TENM3: variants seen among roughly 807,000 people sequenced by gnomAD.
TENM3 encodes the protein teneurin-3.
In TENM3, 63 loss-of-function variants were observed where a neutral mutation model predicts 255.1. That is an observed-to-expected ratio of 0.25 (90% CI 0.20 to 0.30). TENM3 has a LOEUF of 0.30. Ranked by LOEUF, TENM3 falls within the 10% of genes least tolerant of loss-of-function variation. TENM3 has a pLI of 1.00. For synonymous variants in TENM3, 1,306 were observed against 1,322.3 expected (o/e 0.99, Z 0.27); for missense variants, 2,929 against 3,461.1 (o/e 0.85, Z 3.86).
At chr4:182,062,874 A>C in the TENM3 span, among the ~76,000 whole-genome samples, 1 of 152,194 alleles carries the variant, frequency 6.6e-6, no homozygotes, top group South Asian at 2.1e-4. Context: ...CCTTGTCTTT[A>C]AAAAATGAAG....
chr4:181,986,891 A>T, the TENM3 span, among the ~76,000 whole-genome samples: 1 of 152,162 alleles, frequency 6.6e-6, no homozygotes, highest in Admixed American at 6.6e-5. Context: ...ATTGAGAAAA[A>T]ATGCTATAAA....
intron 3 of TENM3, among the ~76,000 whole-genome samples, chr4:182,509,461 T>C (rs1319775396): frequency 7.9e-5 from 12 of 152,224 alleles, no homozygotes; most frequent in African/African-American, 2.7e-4. Context: ...AGTGATGATA[T>C]ACAAATCACT....
chr4:181,603,985 C>T, the TENM3 span, among the ~76,000 whole-genome samples: 1 of 152,182 alleles, frequency 6.6e-6, no homozygotes, highest in African/African-American at 2.4e-5. Context: ...TGAATGATTG[C>T]CGGGCGCGGT....
intron 3 of TENM3, among the ~76,000 whole-genome samples, chr4:182,491,598 G>T (rs531498842): frequency 3.3e-5 from 5 of 152,076 alleles, no homozygotes; most frequent in East Asian, 1.9e-4. Context: ...GAAGGATTGC[G>T]TTGAAATTCT....
chr4:181,917,537 C>A, the TENM3 span, among the ~76,000 whole-genome samples: 1 of 152,118 alleles, frequency 6.6e-6, no homozygotes, highest in Non-Finnish European at 1.5e-5. Context: ...AAGAAAGCTC[C>A]TGGTTGGAGC....
intron 3 of TENM3, among the ~76,000 whole-genome samples, chr4:182,516,043 A>G (rs1049128903): frequency 3.9e-5 from 6 of 152,250 alleles, no homozygotes; most frequent in African/African-American, 1.4e-4. Context: ...AAGTCTTAAC[A>G]TGATGCTATT....
chr4:182,681,681 G>C (rs1288004650), intron 10 of TENM3, 133 bp from the exon 11 acceptor site: 2 of 676,144 alleles, frequency 3.0e-6, no homozygotes, highest in Admixed American at 3.0e-5. Flanking sequence ...TCAGAAACAA[G>C]TTCTTGAAAA....
At chr4:181,928,265 G>A in the TENM3 span, among the ~76,000 whole-genome samples, 2 of 151,892 alleles carry the variant, frequency 1.3e-5, 1 homozygote, top group East Asian at 3.9e-4. Flanking sequence ...CCCAATGCAA[G>A]GAAGCTAAGA....
In TENM3 at chr4:182,196,781, T is replaced by A. The variant is rs543295039; in HGVS notation, c.-76+52027T>A. Among the ~76,000 whole-genome samples, 6 of 152,332 alleles carry A rather than the reference T, an allele frequency of 3.9e-5. No individual in the cohort carries two copies. In the East Asian group the frequency reaches 1.2e-3, roughly 29 times the overall value. On this transcript the variant is annotated intron_variant, in intron 1 of 2. Coordinates refer to the TENM3 transcript ENST00000512480. ...ATTTTCTACACATTTGAAAGGAACA[T>A]ACCCTGATGTTTTTAAAACAGTCAT...
At chr4:181,694,601 G>A in the TENM3 span, among the ~76,000 whole-genome samples, 1 of 152,092 alleles carries the variant, frequency 6.6e-6, no homozygotes, top group Non-Finnish European at 1.5e-5. Flanking sequence ...TATACAGGAC[G>A]AATATCACAT....
the TENM3 span, among the ~76,000 whole-genome samples, chr4:181,627,927 G>A: frequency 2.0e-5 from 3 of 152,170 alleles, no homozygotes; most frequent in African/African-American, 7.2e-5. Context: ...CTTCCACAAT[G>A]GTTGAACTAG....
the TENM3 span, among the ~76,000 whole-genome samples, chr4:181,700,230 CTT>C: frequency 0.47 from 70,748 of 149,972 alleles, 17,810 homozygotes; most frequent in Non-Finnish European, 0.57. Context: ...ATTTCAGGGT[CTT>C]TTTTTTTTTT....
the TENM3 span, among the ~76,000 whole-genome samples, chr4:181,671,420 G>T: frequency 6.6e-6 from 1 of 152,174 alleles, no homozygotes; most frequent in South Asian, 2.1e-4. Flanking sequence ...AATGGGCAGA[G>T]TGTGATCTTG....
the TENM3 span, among the ~76,000 whole-genome samples, chr4:181,853,111 C>T: frequency 6.6e-6 from 1 of 152,234 alleles, no homozygotes; most frequent in African/African-American, 2.4e-5. Flanking sequence ...ATAGTTTTAT[C>T]TACTTACTTT....
intron 3 of TENM3, among the ~76,000 whole-genome samples, chr4:182,523,290 A>G (rs1738777307): frequency 1.3e-5 from 2 of 152,124 alleles, no homozygotes; most frequent in African/African-American, 2.4e-5. Context: ...TTCATAGACC[A>G]AAGGGAGAAT....
chr4:182,516,916 T>C (rs1157560606), intron 3 of TENM3, among the ~76,000 whole-genome samples: 1 of 151,790 alleles, frequency 6.6e-6, no homozygotes, highest in Non-Finnish European at 1.5e-5. Context: ...GTAGGATTAT[T>C]GTATATCACA....
At chr4:181,791,463 T>C in the TENM3 span, among the ~76,000 whole-genome samples, 1 of 152,178 alleles carries the variant, frequency 6.6e-6, no homozygotes, top group Non-Finnish European at 1.5e-5. Context: ...TCCGGGGTAG[T>C]GTTTGTAAAC....
chr4:182,243,584 T>C (rs1289556897), intron 1 of TENM3, 108 bp downstream of exon 1: 1 of 151,510 alleles, frequency 6.6e-6, no homozygotes, highest in Non-Finnish European at 1.5e-5. Context: ...TATTGGAAAC[T>C]GGGGAGGGCA....
the TENM3 span, among the ~76,000 whole-genome samples, chr4:181,851,293 A>G: frequency 4.6e-3 from 703 of 152,050 alleles, 10 homozygotes; most frequent in African/African-American, 0.016. Context: ...CCCTCCCAGC[A>G]CTCTCAAAGT....
Sources: gnomAD v4.1 joint callset for allele counts (sites outside exome capture counted in the v4.1 genomes callset) on GRCh38, gnomAD v4.1.1 for gene constraint, MANE v1.5 for transcripts, NCBI Gene and HGNC (gene_info 2026-07-23, HGNC 2026-07-21) for gene names.